Variants in ZNF345 observed in about 807,000 individuals in gnomAD.
The protein encoded by ZNF345 is zinc finger protein 345.
For synonymous variants in ZNF345, 166 were observed against 187.9 expected (o/e 0.88, Z 0.95); for missense variants, 527 against 589.9 (o/e 0.89, Z 1.10).
chr19:36,888,382 T>C (rs2073017576), intron 3 of ZNF345: 1 of 151,970 alleles, frequency 6.6e-6, no homozygotes, highest in South Asian at 2.1e-4. Context: ...CTCCTTGCCC[T>C]GATGATATCT....
intron 2 of ZNF345, among the ~76,000 whole-genome samples, chr19:36,865,983 G>C (rs989042610): frequency 3.9e-5 from 6 of 152,082 alleles, no homozygotes; most frequent in Non-Finnish European, 8.8e-5. Flanking sequence ...TTTCAGTGTT[G>C]AAGCAACCTT....
At chr19:36,854,284 C>T (rs1193208788) in intron 2 of ZNF345, among the ~76,000 whole-genome samples, 2 of 148,644 alleles carry the variant, frequency 1.3e-5, no homozygotes, top group Non-Finnish European at 3.0e-5. Flanking sequence ...CTGTCCTTGT[C>T]CCCCTCCTCC....
chr19:36,876,375 T>A (rs780626425), intron 2 of ZNF345, among the ~76,000 whole-genome samples: 2 of 152,254 alleles, frequency 1.3e-5, no homozygotes, highest in Non-Finnish European at 2.9e-5. Flanking sequence ...CCCTGATAAA[T>A]GAATATGAGA....
At chr19:36,855,064 G>A (rs1007331164) in intron 2 of ZNF345, among the ~76,000 whole-genome samples, 8 of 149,862 alleles carry the variant, frequency 5.3e-5, no homozygotes, top group South Asian at 2.1e-4. Context: ...TGTTAGCCAG[G>A]ATGGTCTCGA....
intron 2 of ZNF345, among the ~76,000 whole-genome samples, chr19:36,854,250 T>TTTTA (rs397718003): frequency 1.3e-5 from 2 of 151,546 alleles, no homozygotes; most frequent in Non-Finnish European, 2.9e-5. Context: ...TTTTTTTTTT[T>TTTTA]ATTGAGCACC....
At chr19:36,874,431 T>TCTC in intron 2 of ZNF345, among the ~76,000 whole-genome samples, 1 of 149,696 alleles carries the variant, frequency 6.7e-6, no homozygotes, top group Admixed American at 6.7e-5. Context: ...GAGGCAGAGG[T>TCTC]TGCAGTGAGC....
Position 36,877,657 on chromosome 19 carries a change from A to G in ZNF345, c.827A>G (p.His276Arg). The G allele has an allele frequency of 6.2e-7, 1 of 1,614,168 alleles. No homozygotes were observed. Among genetic ancestry groups the G allele is most frequent in the Non-Finnish European group, 8.5e-7 (1 of 1,180,012 alleles). Reference protein sequence around the residue: ...AFSFGSALTRHQRIHTGEKPY... With the variant: ...AFSFGSALTRRQRIHTGEKPY... Reference sequence around the variant, plus strand: ...AGTTTTGGATCAGCCCTTACTCGACATCAAAGAATTCATACTGGTGAGAAA... The same window carrying G: ...AGTTTTGGATCAGCCCTTACTCGACGTCAAAGAATTCATACTGGTGAGAAA... The change falls in exon 3 of 3, where the codon CAT (histidine) becomes CGT (arginine). Residue 276 changes from histidine (H) to arginine (R), a missense_variant. By Grantham distance (29) the His-to-Arg change is conservative. Coordinates refer to ENST00000420450, the MANE Select transcript of ZNF345 (RefSeq NM_001242472.2).
chr19:36,891,404 T>C (rs2073049997), intron 3 of ZNF345: 2 of 1,333,686 alleles, frequency 1.5e-6, no homozygotes, highest in Non-Finnish European at 2.0e-6. Flanking sequence ...AGGAGAACCT[T>C]TGATAATATG....
chr19:36,880,702 C>T (rs1278712549), downstream of ZNF345, among the ~76,000 whole-genome samples: 1 of 152,126 alleles, frequency 6.6e-6, no homozygotes, highest in East Asian at 1.9e-4. Context: ...CAGTTGAGCC[C>T]AGGAATTCAA....
At chr19:36,892,013 T>G in intron 3 of ZNF345, 1 of 1,613,838 alleles carries the variant, frequency 6.2e-7, no homozygotes, top group Non-Finnish European at 8.5e-7. Context: ...GTGTGAATTC[T>G]CTGATGATCA....
chr19:36,873,913 T>G (rs2072823097), intron 2 of ZNF345, among the ~76,000 whole-genome samples: 1 of 152,202 alleles, frequency 6.6e-6, no homozygotes, highest in Non-Finnish European at 1.5e-5. Flanking sequence ...TCTTGGCTAT[T>G]GTGAATAATA....
At chr19:36,852,630 T>A (rs2072309094) in intron 2 of ZNF345, among the ~76,000 whole-genome samples, 3 of 148,882 alleles carry the variant, frequency 2.0e-5, no homozygotes, top group Admixed American at 1.3e-4. Context: ...AAAGTGCTAA[T>A]AGGTAGGGTT....
At chr19:36,855,447 CTTTTTTTTTTTTTTTT>C (rs34265794) in intron 2 of ZNF345, among the ~76,000 whole-genome samples, 3 of 58,574 alleles carry the variant, frequency 5.1e-5, no homozygotes, top group Non-Finnish European at 8.8e-5. Context: ...CGAGCCTGGC[CTTTTTTTTTTTTTTTT>C]TTTTTTTTTA....
At chr19:36,853,869 AT>A (rs1466966920) in intron 2 of ZNF345, among the ~76,000 whole-genome samples, 1 of 152,022 alleles carries the variant, frequency 6.6e-6, no homozygotes, top group Non-Finnish European at 1.5e-5. Flanking sequence ...TGTCTTGGCT[AT>A]TTGTGTTTCT....
At chr19:36,854,589 A>G (rs971787996) in intron 2 of ZNF345, 1 of 152,140 alleles carries the variant, frequency 6.6e-6, no homozygotes, top group Non-Finnish European at 1.5e-5. Flanking sequence ...AGACAAAGCT[A>G]TGGGTGTAAG....
intron 2 of ZNF345, among the ~76,000 whole-genome samples, chr19:36,870,272 C>T (rs2072746751): frequency 6.6e-6 from 1 of 152,130 alleles, no homozygotes; most frequent in African/African-American, 2.4e-5. Context: ...TTACTATTAC[C>T]TTTTTGTCCA....
chr19:36,877,004 T>C lies in ZNF345; in HGVS notation c.174T>C (p.Asp58=). The stretch of plus-strand genomic sequence containing the variant: ...TCCAGCATCAGAGAATTCATACTGA[T>C]GAGAAACTCCTTGAATGTAAGGAAT... ...FSIQHQRIHT[D]EKLLECKECG... is the part of the protein sequence containing the mutation. Residue 58 remains aspartate (D), a synonymous_variant, in exon 3 of 3, where the codon GAT becomes GAC. Transcript: ENST00000420450. The C allele has an allele frequency of 6.2e-7, 1 of 1,614,180 alleles. No individual in the cohort carries two copies. Among genetic ancestry groups the C allele is most frequent in the Non-Finnish European group, 8.5e-7 (1 of 1,180,022 alleles).
chr19:36,886,723 C>T, intron 3 of ZNF345, among the ~76,000 whole-genome samples: 1 of 151,748 alleles, frequency 6.6e-6, no homozygotes, highest in Middle Eastern at 3.4e-3. Flanking sequence ...CGCGGTGGCT[C>T]ACGCCTGTAA....
chr19:36,879,740 T>C (rs2072957048), downstream of ZNF345, among the ~76,000 whole-genome samples: 1 of 152,214 alleles, frequency 6.6e-6, no homozygotes, highest in Non-Finnish European at 1.5e-5. Flanking sequence ...TGTTAACCAA[T>C]TTACTTATTC....
Sources: allele counts gnomAD v4.1 joint callset (sites outside exome capture counted in the v4.1 genomes callset), GRCh38; gene constraint gnomAD v4.1.1; transcripts MANE v1.5; gene names NCBI Gene and HGNC (gene_info 2026-07-23, HGNC 2026-07-21).